FAM227B: variants seen among roughly 807,000 people sequenced by gnomAD.
FAM227B encodes protein FAM227B.
Under a neutral mutation model 73.8 loss-of-function variants are expected in FAM227B, and 88 were observed. The ratio of observed to expected loss-of-function variants is 1.19; its 90% confidence interval spans 1.00 to 1.42. FAM227B has a LOEUF of 1.42. Ranked by LOEUF, FAM227B falls within the 40% of genes most tolerant of loss-of-function variation. The pLI is 0.00. For missense variants in FAM227B, 632 were observed against 590.9 expected (o/e 1.07, Z -0.72); for synonymous variants, 210 against 190.5 (o/e 1.10, Z -0.84).
intron 11 of FAM227B, among the ~76,000 whole-genome samples, chr15:49,386,351 C>T (rs2046882070): frequency 6.6e-6 from 1 of 151,526 alleles, no homozygotes; most frequent in African/African-American, 2.4e-5. Flanking sequence ...CAAAAGGAAC[C>T]CTCAAAACTA....
At chr15:49,424,924 A>G (rs1258957956) in intron 11 of FAM227B, 1 of 162,446 alleles carries the variant, frequency 6.2e-6, no homozygotes. Context: ...TAAGATATCT[A>G]ATTTAGAACT....
intron 13 of FAM227B, among the ~76,000 whole-genome samples, chr15:49,355,588 T>C (rs1465647647): frequency 6.6e-6 from 1 of 152,150 alleles, no homozygotes; most frequent in Non-Finnish European, 1.5e-5. Context: ...TATGGGGCTA[T>C]GTGAAAAGAC....
chr15:49,367,865 A>AG (rs1188779393), intron 12 of FAM227B: 1 of 109,692 alleles, frequency 9.1e-6, no homozygotes, highest in African/African-American at 4.2e-5. Flanking sequence ...TCTTAAGAAC[A>AG]GAAAAAAAAA....
intron 11 of FAM227B, among the ~76,000 whole-genome samples, chr15:49,474,469 A>G (rs985610385): frequency 2.0e-5 from 3 of 152,212 alleles, no homozygotes; most frequent in Non-Finnish European, 4.4e-5. Flanking sequence ...CCTACAATAA[A>G]TTAATGAGAT....
chr15:49,335,385 T>C (rs758706496), intron 14 of FAM227B, 34 bp downstream of exon 14: 100 of 1,401,852 alleles, frequency 7.1e-5, no homozygotes, highest in Middle Eastern at 3.7e-4. Flanking sequence ...AAAAGTATTA[T>C]TTTATATTTA....
intron 11 of FAM227B, among the ~76,000 whole-genome samples, chr15:49,371,722 TTATA>T (rs2045823874): frequency 6.7e-6 from 1 of 149,358 alleles, no homozygotes; most frequent in African/African-American, 2.4e-5. Flanking sequence ...TAAAATTCAC[TTATA>T]AATAAATAAT....
At chr15:49,605,547 T>C (rs1455072613) in intron 3 of FAM227B, among the ~76,000 whole-genome samples, 2 of 150,834 alleles carry the variant, frequency 1.3e-5, no homozygotes, top group African/African-American at 2.4e-5. Flanking sequence ...TCGAATCTGT[T>C]TTGGGGGATA....
chr15:49,514,404 T>C (rs890844493), intron 10 of FAM227B, among the ~76,000 whole-genome samples: 11 of 152,128 alleles, frequency 7.2e-5, no homozygotes, highest in African/African-American at 2.7e-4. Context: ...TGCTTGTCTA[T>C]TGTTAATGTA....
rs1491227265 is a variant in FAM227B at position 49,476,231 on chromosome 15, GGT to G, written c.1012+31978_1012+31979del. Among the ~76,000 whole-genome samples, 206 of 29,098 alleles carry G rather than the reference GGT, an allele frequency of 7.1e-3. 8 individuals carry two copies. In the South Asian group the frequency reaches 0.1, roughly 14 times the overall value. The allele number at this position is 29,098 out of a possible 152,430, so 19.1% of individuals were successfully genotyped here. A position where few individuals can be genotyped will look rare whatever the true frequency, so the allele number is the denominator to read the frequency against. ...TTTGCTGTTTTGTTTTTTTGTTTTT[GGT>G]TTTTTTTTTTTTGCATTTGGCATAT... On this transcript the variant is annotated intron_variant, in intron 11 of 15. Coordinates refer to ENST00000299338, the MANE Select transcript of FAM227B (RefSeq NM_152647.3).
At position 49,327,841 on chromosome 15, in the gene FAM227B, C is replaced by A; in HGVS notation, c.*727G>T. 2 of 970,696 alleles carry A rather than the reference C, an allele frequency of 2.1e-6. No individual in the cohort carries two copies. The highest frequency in any genetic ancestry group is 1.5e-6 in the Non-Finnish European group (1 of 666,628). 60.1% of individuals were successfully genotyped at this position (970,696 alleles called of 1,614,324 possible). ...AATGTTTGATGACACCTAAAAACCCCGCATGTATTTTCTTCTTAGAACTTA... is the reference window on the plus strand; with the variant it reads ...AATGTTTGATGACACCTAAAAACCCAGCATGTATTTTCTTCTTAGAACTTA... On this transcript the variant is annotated 3_prime_UTR_variant, in exon 16 of 16. Coordinates refer to ENST00000299338, the MANE Select transcript of FAM227B (RefSeq NM_152647.3).
intron 13 of FAM227B, chr15:49,353,793 A>G (rs1021993507): frequency 6.6e-6 from 1 of 152,080 alleles, no homozygotes; most frequent in African/African-American, 2.4e-5. Flanking sequence ...TTTTTTTCAG[A>G]TATTTGTATT....
At chr15:49,376,227 T>G (rs2046153965) in intron 11 of FAM227B, among the ~76,000 whole-genome samples, 1 of 152,104 alleles carries the variant, frequency 6.6e-6, no homozygotes, top group Admixed American at 6.5e-5. Context: ...GAGTTACTCC[T>G]GTTTTCTCTG....
intron 13 of FAM227B, among the ~76,000 whole-genome samples, chr15:49,360,222 TA>T (rs2043961573): frequency 7.5e-6 from 1 of 132,682 alleles, no homozygotes; most frequent in African/African-American, 2.9e-5. Flanking sequence ...ACATGTACCC[TA>T]AAACTTATAG....
At chr15:49,340,298 G>A (rs1243078410) in intron 13 of FAM227B, among the ~76,000 whole-genome samples, 1 of 152,134 alleles carries the variant, frequency 6.6e-6, no homozygotes, top group Non-Finnish European at 1.5e-5. Flanking sequence ...CATGGGAAAA[G>A]CGCAGTATCT....
intron 11 of FAM227B, among the ~76,000 whole-genome samples, chr15:49,385,024 CT>C (rs1009246316): frequency 2.0e-5 from 3 of 151,940 alleles, no homozygotes; most frequent in Non-Finnish European, 4.4e-5. Flanking sequence ...CAGGACCTTG[CT>C]CTTCCTGTAA....
At chr15:49,464,324 G>C (rs2054074479) in intron 11 of FAM227B, among the ~76,000 whole-genome samples, 1 of 152,162 alleles carries the variant, frequency 6.6e-6, no homozygotes, top group Non-Finnish European at 1.5e-5. Context: ...AAGAGAAACA[G>C]AAAAGGAATT....
chr15:49,579,353 T>C (rs368403016), intron 5 of FAM227B, among the ~76,000 whole-genome samples: 13 of 152,186 alleles, frequency 8.5e-5, no homozygotes, highest in African/African-American at 3.1e-4. Flanking sequence ...ACTCTCAGGT[T>C]TACTGGAACA....
intron 13 of FAM227B, among the ~76,000 whole-genome samples, chr15:49,345,262 CTT>C (rs990510412): frequency 6.6e-6 from 1 of 152,080 alleles, no homozygotes; most frequent in Non-Finnish European, 1.5e-5. Flanking sequence ...GAACATATGA[CTT>C]TATTGAAATG....
intron 12 of FAM227B, 35 bp downstream of exon 12, chr15:49,371,267 G>A: frequency 7.6e-7 from 1 of 1,310,366 alleles, no homozygotes; most frequent in Non-Finnish European, 1.1e-6. Flanking sequence ...AATTAAACAA[G>A]TAAGAAATTT....
Sources: gnomAD v4.1 joint callset for allele counts (sites outside exome capture counted in the v4.1 genomes callset) on GRCh38, gnomAD v4.1.1 for gene constraint, MANE v1.5 for transcripts, NCBI Gene and HGNC (gene_info 2026-07-23, HGNC 2026-07-21) for gene names.